The following LAMB4 variants were observed in gnomAD, a reference collection of about 807,000 sequenced individuals.
LAMB4 encodes laminin subunit beta 4, also known as laminin subunit beta-4.
Under a neutral mutation model 199.2 loss-of-function variants are expected in LAMB4, and 196 were observed. That is an observed-to-expected ratio of 0.98 (90% CI 0.88 to 1.11). The LOEUF is 1.11. Ranked by LOEUF, LAMB4 falls within the 50% of genes least tolerant of loss-of-function variation. The pLI, the probability that LAMB4 is intolerant of heterozygous loss-of-function variation, is 0.00. For synonymous variants in LAMB4, 744 were observed against 770.6 expected, an observed-to-expected ratio of 0.97 and a Z score of 0.57; for missense variants, 2,080 against 2,171.2, an observed-to-expected ratio of 0.96 and a Z score of 0.83.
chr7:108,011,785 A>G, the LAMB4 span, among the ~76,000 whole-genome samples: 1 of 152,062 alleles, frequency 6.6e-6, no homozygotes, highest in South Asian at 2.1e-4. Context: ...TATACTAATC[A>G]TTGTCTGCAT....
intron 5 of LAMB4, among the ~76,000 whole-genome samples, 165 bp downstream of exon 5, chr7:108,109,006 G>GTT: frequency 6.8e-6 from 1 of 148,116 alleles, no homozygotes; most frequent in African/African-American, 2.5e-5. Flanking sequence ...TTTAAAAAGT[G>GTT]TTTTTTTTTT....
chr7:108,065,976 C>A, intron 20 of LAMB4, 57 bp from the exon 21 acceptor site: 1 of 1,518,878 alleles, frequency 6.6e-7, no homozygotes. Context: ...ACATGTTAGC[C>A]AATGACGGTT....
intron 1 of LAMB4, among the ~76,000 whole-genome samples, chr7:108,125,992 CAGG>C (rs2038765571): frequency 6.6e-6 from 1 of 152,206 alleles, no homozygotes; most frequent in Admixed American, 6.5e-5. Flanking sequence ...AAAGGAGCAG[CAGG>C]AGGAGTCAGA....
At chr7:108,087,936 A>T (rs1044693027) in intron 14 of LAMB4, among the ~76,000 whole-genome samples, 1 of 152,156 alleles carries the variant, frequency 6.6e-6, no homozygotes, top group African/African-American at 2.4e-5. Flanking sequence ...GCTTTTACTA[A>T]CTGAGTACAT....
At chr7:108,019,459 T>C (rs1038028149), downstream of LAMB4, among the ~76,000 whole-genome samples, 5 of 152,094 alleles carry the variant, frequency 3.3e-5, no homozygotes, top group Admixed American at 3.3e-4. Context: ...TTCTGTCAAC[T>C]TTCCCTTTGC....
At chr7:108,095,568 A>T (rs908447065) in intron 11 of LAMB4, among the ~76,000 whole-genome samples, 2 of 152,188 alleles carry the variant, frequency 1.3e-5, no homozygotes, top group African/African-American at 4.8e-5. Flanking sequence ...GATGGCAATT[A>T]GGAGGAGGAG....
At chr7:108,017,596 TGATGTCTGGTTA>T in the LAMB4 span, among the ~76,000 whole-genome samples, 1 of 152,138 alleles carries the variant, frequency 6.6e-6, no homozygotes, top group African/African-American at 2.4e-5. Flanking sequence ...TCATAAAACT[TGATGTCTGGTTA>T]GAAAAGGCAT....
chr7:108,066,303 T>C (rs2036338346), intron 20 of LAMB4, 66 bp downstream of exon 20: 1 of 1,163,402 alleles, frequency 8.6e-7, no homozygotes. Flanking sequence ...ACTCAATGGA[T>C]CTCTATTAGG....
Position 108,029,036 on chromosome 7 carries a change from C to A in LAMB4, c.5146+7G>T. ...CAAATTGGCAGGATGGATAAAAGAA[C>A]AGATACCTGTTATTCTTCTTATCTT... On this transcript the variant is annotated splice_region_variant and intron_variant, in intron 33 of 33. Transcript: ENST00000388781. 2 of 1,610,676 alleles carry A rather than the reference C, an allele frequency of 1.2e-6. No homozygotes were observed. Among genetic ancestry groups the A allele is most frequent in the South Asian group, 2.2e-5 (2 of 90,242 alleles).
intron 3 of LAMB4, among the ~76,000 whole-genome samples, chr7:108,113,826 C>T (rs1373570071): frequency 6.6e-6 from 1 of 152,174 alleles, no homozygotes; most frequent in African/African-American, 2.4e-5. Flanking sequence ...TGCTTGGTAG[C>T]TCTTTCTTAG....
chr7:108,048,453 C>T (rs2035719216), intron 27 of LAMB4, among the ~76,000 whole-genome samples: 1 of 151,922 alleles, frequency 6.6e-6, no homozygotes, highest in African/African-American at 2.4e-5. Flanking sequence ...GGCATGTGGC[C>T]TGGCTGTCAG....
chr7:108,055,150 T>G (rs984458248), intron 25 of LAMB4, among the ~76,000 whole-genome samples: 6 of 151,752 alleles, frequency 4.0e-5, no homozygotes, highest in African/African-American at 9.7e-5. Context: ...TAATCCTAAC[T>G]AGGTGAGAAA....
chr7:108,116,645 T>C (rs999367888), intron 2 of LAMB4, among the ~76,000 whole-genome samples: 1 of 152,212 alleles, frequency 6.6e-6, no homozygotes, highest in South Asian at 2.1e-4. Context: ...AAGGCATTTT[T>C]TATTCAAATC....
intron 2 of LAMB4, among the ~76,000 whole-genome samples, chr7:108,117,034 C>A (rs1192067178): frequency 4.6e-5 from 7 of 152,160 alleles, no homozygotes; most frequent in Non-Finnish European, 1.0e-4. Flanking sequence ...AAGACCCTAT[C>A]TCAAAAGCAA....
At chr7:108,026,688 G>C (rs556069514) in intron 33 of LAMB4, 1 of 239,004 alleles carries the variant, frequency 4.2e-6, no homozygotes, top group Middle Eastern at 1.7e-3. Flanking sequence ...CTGGGACCCC[G>C]ACTGACACCA....
chr7:108,084,917 A>AT (rs375065999), intron 14 of LAMB4, among the ~76,000 whole-genome samples: 56 of 137,352 alleles, frequency 4.1e-4, no homozygotes, highest in African/African-American at 1.3e-3. Context: ...CCAATTTTTT[A>AT]TTTTTTTTGC....
intron 17 of LAMB4, among the ~76,000 whole-genome samples, chr7:108,072,705 A>G (rs2036574494): frequency 6.6e-6 from 1 of 152,136 alleles, no homozygotes; most frequent in Non-Finnish European, 1.5e-5. Context: ...CAGGGATAGT[A>G]CATGTCTTGT....
chr7:108,124,387 T>C lies in LAMB4; in HGVS notation c.-33-1190A>G, dbSNP rs1368694858. 2.6e-5 allele frequency among the ~76,000 whole-genome samples: 4 copies of C among 152,196 alleles called. No individual in the cohort carries two copies. The South Asian group carries it at 8.3e-4, about 32-fold the overall frequency. ...GTTTATAGCCTTATTCACTATGATA[T>C]AGTAAATGGAGCAGAAATAATGAGC... On this transcript the variant is annotated intron_variant, in intron 1 of 33. Coordinates refer to ENST00000388781, the MANE Select transcript of LAMB4 (RefSeq NM_007356.3).
intron 13 of LAMB4, 106 bp downstream of exon 13, chr7:108,092,231 G>T: frequency 1.3e-6 from 1 of 788,828 alleles, no homozygotes; most frequent in Non-Finnish European, 2.1e-6. Flanking sequence ...CAAGATCATT[G>T]CTTGTCATGG....
Sources: gnomAD v4.1 joint callset for allele counts (sites outside exome capture counted in the v4.1 genomes callset) on GRCh38, gnomAD v4.1.1 for gene constraint, MANE v1.5 for transcripts, NCBI Gene and HGNC (gene_info 2026-07-23, HGNC 2026-07-21) for gene names.